Variants in MVB12B observed in about 807,000 individuals in gnomAD.
MVB12B encodes the protein multivesicular body subunit 12B.
Under a neutral mutation model 41.6 loss-of-function variants are expected in MVB12B, and 16 were observed. The observed-to-expected ratio is 0.38, with a 90% CI of 0.26 to 0.58. MVB12B has a LOEUF of 0.58. MVB12B is among the 20% of genes least tolerant of loss of function. The pLI, the probability that MVB12B is intolerant of heterozygous loss-of-function variation, is 0.62. For missense variants in MVB12B, 274 were observed against 380.2 expected, an observed-to-expected ratio of 0.72 and a Z score of 2.32; for synonymous variants, 133 against 139.7, an observed-to-expected ratio of 0.95 and a Z score of 0.34.
intron 7 of MVB12B, among the ~76,000 whole-genome samples, chr9:126,433,248 GC>G (rs1832376712): frequency 6.6e-6 from 1 of 152,080 alleles, no homozygotes; most frequent in African/African-American, 2.4e-5. Context: ...GGTATCCACA[GC>G]CCTGCCCTCC....
intron 3 of MVB12B, among the ~76,000 whole-genome samples, chr9:126,381,747 A>T (rs997185322): frequency 8.7e-5 from 13 of 150,098 alleles, no homozygotes; most frequent in Non-Finnish European, 1.5e-4. Flanking sequence ...TTTTTTTTTT[A>T]AAAACATCTA....
intron 6 of MVB12B, among the ~76,000 whole-genome samples, chr9:126,409,299 C>CTGTGTGTGTGTGTGTGTGTG (rs61211126): frequency 2.2e-5 from 3 of 138,028 alleles, no homozygotes; most frequent in Admixed American, 7.2e-5. Context: ...GTGAGTAACT[C>CTGTGTGTGTGTGTGTGTGTG]TGTGTGTGTG....
chr9:126,409,978 C>T (rs1831582607), intron 6 of MVB12B, among the ~76,000 whole-genome samples: 1 of 152,176 alleles, frequency 6.6e-6, no homozygotes, highest in South Asian at 2.1e-4. Flanking sequence ...CCACACTTGC[C>T]ATGTTTTTGT....
Position 126,333,875 on chromosome 9 carries a change from A to G in MVB12B, c.82-6633A>G, listed in dbSNP as rs999728997. Among the ~76,000 whole-genome samples, 6 of 151,900 alleles carry G rather than the reference A, an allele frequency of 3.9e-5. No individual in the cohort carries two copies. Among genetic ancestry groups the G allele is most frequent in the Admixed American group, 2.0e-4 (3 of 15,248 alleles). ...CATCCATCCATCCATCCATCCATCC[A>G]TCCATCCATCCATTCGTTCATCAAA... On this transcript the variant is annotated intron_variant, in intron 1 of 9. Coordinates refer to ENST00000361171, the MANE Select transcript of MVB12B (RefSeq NM_033446.3). This position sits in a 1 kb window ranked among gnomAD's most constrained non-coding sequence, Gnocchi z 4.7.
intron 2 of MVB12B, among the ~76,000 whole-genome samples, chr9:126,377,621 G>A (rs1214973013): frequency 6.6e-6 from 1 of 152,044 alleles, no homozygotes; most frequent in Admixed American, 6.5e-5. Context: ...GTTTGATGGA[G>A]CCCATCCGTG....
intron 7 of MVB12B, among the ~76,000 whole-genome samples, chr9:126,433,155 A>T (rs866048400): frequency 6.6e-6 from 1 of 152,018 alleles, no homozygotes; most frequent in African/African-American, 2.4e-5. Flanking sequence ...TACCTGTAAA[A>T]TGGGGGTGAC....
Position 126,335,429 on chromosome 9 carries a change from T to C in MVB12B, c.82-5079T>C, listed in dbSNP as rs1390783752. The C allele has an allele frequency of 3.8e-6, 5 of 1,302,592 alleles. No homozygotes were observed. The East Asian group carries it at 2.8e-4, about 72-fold the overall frequency. 80.7% of individuals were successfully genotyped at this position (1,302,592 alleles called of 1,614,324 possible). ...GGAGGTAGGTCTCTGCAACTTTCTGTAAGGAGGTGGCTGGGTTTGTGTGTG... is the reference window on the plus strand; with the variant it reads ...GGAGGTAGGTCTCTGCAACTTTCTGCAAGGAGGTGGCTGGGTTTGTGTGTG... On this transcript the variant is annotated intron_variant, in intron 1 of 9. Transcript: ENST00000361171.
chr9:126,354,389 T>C (rs914775282), intron 2 of MVB12B, among the ~76,000 whole-genome samples: 2 of 152,244 alleles, frequency 1.3e-5, no homozygotes, highest in Non-Finnish European at 2.9e-5. Flanking sequence ...ATGATTGTTA[T>C]GATTTGTTTG....
At chr9:126,496,339 A>G (rs1049815586) in intron 9 of MVB12B, among the ~76,000 whole-genome samples, 1 of 138,800 alleles carries the variant, frequency 7.2e-6, no homozygotes, top group African/African-American at 2.8e-5. Context: ...CCATCCACAT[A>G]TTAACCCATT....
chr9:126,490,939 G>A (rs558445140), intron 9 of MVB12B, among the ~76,000 whole-genome samples: 5 of 152,302 alleles, frequency 3.3e-5, no homozygotes, highest in African/African-American at 9.6e-5. Flanking sequence ...CCAGCAATTA[G>A]GCATTTTTTT....
intron 2 of MVB12B, among the ~76,000 whole-genome samples, chr9:126,379,166 T>A (rs148344828): frequency 3.9e-4 from 59 of 152,354 alleles, no homozygotes; most frequent in Middle Eastern, 3.4e-3. Context: ...CCATGTAGGT[T>A]CCCTTATTCC....
chr9:126,407,640 C>T (rs1831483964), intron 6 of MVB12B, among the ~76,000 whole-genome samples: 2 of 152,128 alleles, frequency 1.3e-5, no homozygotes, highest in Admixed American at 1.3e-4. Flanking sequence ...GACGCCCTCA[C>T]AACCCAGTTC....
rs113485919 is a variant in MVB12B at position 126,398,092 on chromosome 9, C to T, written c.662+2395C>T. On this transcript the variant is annotated intron_variant, in intron 6 of 9. Coordinates refer to ENST00000361171, the MANE Select transcript of MVB12B (RefSeq NM_033446.3). ...TCCCCTGGCTTCTGCGCCTTTGCTC[C>T]CGGTGCTCCCTGCACATGAGGTGTG... 9.0e-3 allele frequency among the ~76,000 whole-genome samples: 1,373 copies of T among 152,178 alleles called. 12 individuals carry two copies. Among genetic ancestry groups the T allele is most frequent in the Middle Eastern group, 0.02 (6 of 294 alleles).
intron 7 of MVB12B, among the ~76,000 whole-genome samples, chr9:126,441,392 G>A (rs971878923): frequency 6.6e-6 from 1 of 152,236 alleles, no homozygotes; most frequent in Non-Finnish European, 1.5e-5. Context: ...GGGGAAAAGA[G>A]ATGAACTCAG....
At chr9:126,493,313 C>A (rs561563740) in intron 9 of MVB12B, among the ~76,000 whole-genome samples, 1 of 152,052 alleles carries the variant, frequency 6.6e-6, no homozygotes, top group Non-Finnish European at 1.5e-5. Flanking sequence ...TTAATGTTGG[C>A]GATCTTTCTT....
At chr9:126,483,903 A>C in intron 8 of MVB12B, 70 bp from the exon 9 acceptor site, 1 of 1,510,834 alleles carries the variant, frequency 6.6e-7, no homozygotes, top group Non-Finnish European at 9.2e-7. Context: ...TACCATTGTC[A>C]TGCATAAAAG....
At chr9:126,490,468 C>T (rs947834412) in intron 9 of MVB12B, among the ~76,000 whole-genome samples, 6 of 152,198 alleles carry the variant, frequency 3.9e-5, no homozygotes, top group African/African-American at 1.4e-4. Flanking sequence ...CAGCCCCATG[C>T]GGAGCCGTTT....
chr9:126,396,771 C>G (rs949059666), intron 6 of MVB12B: 1 of 985,352 alleles, frequency 1.0e-6, no homozygotes, highest in African/African-American at 1.7e-5. Flanking sequence ...TTAACTACCC[C>G]TGGAATTGCC....
intron 9 of MVB12B, among the ~76,000 whole-genome samples, chr9:126,501,101 C>T (rs536792634): frequency 6.6e-6 from 1 of 152,364 alleles, no homozygotes; most frequent in South Asian, 2.1e-4. Flanking sequence ...GCAGCTCCCC[C>T]TCCTCAGCCT....
Sources: gnomAD v4.1 joint callset for allele counts (sites outside exome capture counted in the v4.1 genomes callset) on GRCh38, gnomAD v4.1.1 for gene constraint, Gnocchi (gnomAD v3.1) non-coding constraint, MANE v1.5 for transcripts, NCBI Gene and HGNC (gene_info 2026-07-23, HGNC 2026-07-21) for gene names.